CFAP58: variants seen among roughly 807,000 people sequenced by gnomAD.
The protein encoded by CFAP58 is cilia- and flagella-associated protein 58.
A neutral mutation model predicts 119.5 loss-of-function variants in CFAP58; 88 were observed. The observed-to-expected ratio is 0.74, with a 90% CI of 0.62 to 0.88. CFAP58 has a LOEUF of 0.88. Among genes scored for constraint, CFAP58 ranks in the 40% least tolerant of loss-of-function variants. The pLI is 0.00. For missense variants in CFAP58, 990 were observed against 1,021.2 expected (o/e 0.97, Z 0.42); for synonymous variants, 365 against 366.3 (o/e 1.00, Z 0.04).
At chr10:104,423,958 C>A (rs1354158134) in intron 15 of CFAP58, among the ~76,000 whole-genome samples, 1 of 152,072 alleles carries the variant, frequency 6.6e-6, no homozygotes, top group Non-Finnish European at 1.5e-5. Context: ...GTCCAAACAC[C>A]TACATGAATC....
chr10:104,352,253 G>A (rs2014468878), upstream of CFAP58, among the ~76,000 whole-genome samples: 1 of 152,182 alleles, frequency 6.6e-6, no homozygotes, highest in African/African-American at 2.4e-5. Context: ...GGAAGTGTTG[G>A]ATGGAAACCC....
At chr10:104,357,843 A>C (rs926384224) in intron 1 of CFAP58, among the ~76,000 whole-genome samples, 2 of 78,010 alleles carry the variant, frequency 2.6e-5, no homozygotes, top group Non-Finnish European at 2.8e-5. Context: ...ATGTACACAT[A>C]TGTACACATA....
chr10:104,417,118 A>G (rs1026484666), intron 15 of CFAP58, among the ~76,000 whole-genome samples: 2 of 152,182 alleles, frequency 1.3e-5, no homozygotes, highest in Admixed American at 1.3e-4. Flanking sequence ...AGTCTGAGAA[A>G]CACTCATGCT....
rs1267724722 is a variant in CFAP58, at chr10:104,357,873, ATATG to A, written c.10-465_10-462del. Among the ~76,000 whole-genome samples the A allele has an allele frequency of 2.4e-5, 3 of 123,678 alleles. No individual in the cohort carries two copies. The East Asian group carries it at 6.3e-4, about 26-fold the overall frequency. The allele number at this position is 123,678 out of a possible 152,430, so 81.1% of individuals were successfully genotyped here. On this transcript the variant is annotated intron_variant, in intron 1 of 17. Transcript: ENST00000369704. The stretch of plus-strand genomic sequence containing the variant: ...CACATATATACACATATATACACAT[ATATG>A]TACACATATATAAACATATATGTAC...
chr10:104,418,283 TCACGCCTGTAATCCCAG>T (rs1467544826), intron 15 of CFAP58, among the ~76,000 whole-genome samples: 1 of 152,192 alleles, frequency 6.6e-6, no homozygotes, highest in Admixed American at 6.5e-5. Flanking sequence ...GTGCGGTGGC[TCACGCCTGTAATCCCAG>T]CACTTTGGGA....
chr10:104,379,953 T>C, intron 8 of CFAP58, 76 bp from the exon 9 acceptor site: 2 of 1,161,014 alleles, frequency 1.7e-6, no homozygotes, highest in East Asian at 2.4e-5. Context: ...ATGTTAGAGA[T>C]GAGGCAGAGG....
At chr10:104,414,617 T>C (rs1209287894) in intron 15 of CFAP58, among the ~76,000 whole-genome samples, 1 of 152,198 alleles carries the variant, frequency 6.6e-6, no homozygotes, top group Non-Finnish European at 1.5e-5. Context: ...GAAGATGGGC[T>C]TTCTTAAGAT....
At chr10:104,367,782 A>G (rs181402395) in intron 5 of CFAP58, among the ~76,000 whole-genome samples, 113 of 152,276 alleles carry the variant, frequency 7.4e-4, no homozygotes, top group African/African-American at 2.5e-3. Context: ...TATTCCCCCA[A>G]TAGAAATGAG....
At chr10:104,415,053 C>G (rs2012527129) in intron 15 of CFAP58, among the ~76,000 whole-genome samples, 1 of 152,188 alleles carries the variant, frequency 6.6e-6, no homozygotes, top group Non-Finnish European at 1.5e-5. Context: ...TGACACAGAC[C>G]TCGTCCCAGC....
chr10:104,354,293 A>G (rs2014510446), intron 1 of CFAP58, among the ~76,000 whole-genome samples: 1 of 152,152 alleles, frequency 6.6e-6, no homozygotes, highest in African/African-American at 2.4e-5. Context: ...AAAGCTTCAC[A>G]GATGCCTGCT....
chr10:104,403,196 T>G (rs1300872776), intron 13 of CFAP58, among the ~76,000 whole-genome samples: 1 of 152,150 alleles, frequency 6.6e-6, no homozygotes, highest in Non-Finnish European at 1.5e-5. Flanking sequence ...ATTGTAGTGA[T>G]GTAGTGAATA....
At chr10:104,413,866 T>C (rs2012501538) in intron 15 of CFAP58, among the ~76,000 whole-genome samples, 1 of 152,190 alleles carries the variant, frequency 6.6e-6, no homozygotes, top group Non-Finnish European at 1.5e-5. Flanking sequence ...TAGGAAGCTC[T>C]AACCTCTTGC....
At chr10:104,419,454 C>T (rs1469317312) in intron 15 of CFAP58, among the ~76,000 whole-genome samples, 2 of 152,112 alleles carry the variant, frequency 1.3e-5, no homozygotes, top group Admixed American at 1.3e-4. Context: ...ATGATACGGT[C>T]CCAAACGCAA....
At chr10:104,340,638 A>C in the CFAP58 span, among the ~76,000 whole-genome samples, 1 of 152,240 alleles carries the variant, frequency 6.6e-6, no homozygotes, top group African/African-American at 2.4e-5. Flanking sequence ...TCCTGCTTCG[A>C]ACAGTGAAAG....
chr10:104,401,675 G>T (rs186353875), intron 13 of CFAP58, among the ~76,000 whole-genome samples: 65 of 152,294 alleles, frequency 4.3e-4, no homozygotes, highest in African/African-American at 1.5e-3. Flanking sequence ...AATTGGGTTA[G>T]AAGATAGTTT....
intron 15 of CFAP58, among the ~76,000 whole-genome samples, chr10:104,427,408 C>A (rs1316372407): frequency 6.6e-6 from 1 of 152,100 alleles, no homozygotes; most frequent in Admixed American, 6.5e-5. Context: ...AGAATAATGA[C>A]AATTTATAAA....
chr10:104,438,159 A>T (rs1181856141), intron 15 of CFAP58, among the ~76,000 whole-genome samples: 1 of 152,108 alleles, frequency 6.6e-6, no homozygotes, highest in African/African-American at 2.4e-5. Flanking sequence ...TTAGTTATCT[A>T]TTGCTCCATT....
intron 15 of CFAP58, among the ~76,000 whole-genome samples, chr10:104,407,777 G>A (rs773979388): frequency 2.6e-5 from 4 of 152,100 alleles, no homozygotes; most frequent in Non-Finnish European, 5.9e-5. Context: ...GTTCACTGCA[G>A]CCTCTGCCTC....
chr10:104,355,711 C>G (rs2014535041), intron 1 of CFAP58, among the ~76,000 whole-genome samples: 1 of 152,214 alleles, frequency 6.6e-6, no homozygotes, highest in Admixed American at 6.5e-5. Context: ...TTGATTTCAT[C>G]CTTCTGAAAC....
Sources: allele counts gnomAD v4.1 joint callset (sites outside exome capture counted in the v4.1 genomes callset), GRCh38; gene constraint gnomAD v4.1.1; transcripts MANE v1.5; gene names NCBI Gene and HGNC (gene_info 2026-07-23, HGNC 2026-07-21).